GPHN: variants seen among roughly 807,000 people sequenced by gnomAD.
GPHN encodes the protein gephyrin.
Under a neutral mutation model 95.5 loss-of-function variants are expected in GPHN, and 17 were observed. The ratio of observed to expected loss-of-function variants is 0.18; its 90% confidence interval spans 0.12 to 0.27. The LOEUF is 0.27. GPHN is among the 10% of genes least tolerant of loss of function. The pLI, the probability that GPHN is intolerant of heterozygous loss-of-function variation, is 1.00. For synonymous variants in GPHN, 320 were observed against 322.5 expected (o/e 0.99, Z 0.08); for missense variants, 660 against 978.1 (o/e 0.67, Z 4.34).
At chr14:67,511,692 T>C in the GPHN span, among the ~76,000 whole-genome samples, 2 of 152,176 alleles carry the variant, frequency 1.3e-5, 1 homozygote, top group Non-Finnish European at 2.9e-5. Flanking sequence ...TTCAGAACCA[T>C]CCTTTGAAGG....
chr14:67,597,028 G>A, the GPHN span, among the ~76,000 whole-genome samples: 2 of 152,138 alleles, frequency 1.3e-5, no homozygotes, highest in Non-Finnish European at 2.9e-5. Flanking sequence ...GTTAGATCAG[G>A]GATCTGTAAA....
intron 2 of GPHN, among the ~76,000 whole-genome samples, chr14:66,732,476 A>G (rs2071863125): frequency 1.3e-5 from 2 of 152,222 alleles, no homozygotes; most frequent in Admixed American, 1.3e-4. Flanking sequence ...GAATCGGTGT[A>G]GTTACCAAAT....
the GPHN span, chr14:67,729,282 C>T: frequency 6.2e-7 from 1 of 1,605,386 alleles, no homozygotes; most frequent in Non-Finnish European, 8.5e-7. Context: ...TCTGGCGGCT[C>T]TTCTCCCCCT....
intron 4 of GPHN, among the ~76,000 whole-genome samples, chr14:66,834,733 C>G (rs1459573779): frequency 6.6e-6 from 1 of 151,690 alleles, no homozygotes; most frequent in African/African-American, 2.4e-5. Context: ...GGTTGTGTCT[C>G]TGCCCGGCTT....
chr14:67,735,260 T>G, the GPHN span: 1 of 1,169,384 alleles, frequency 8.6e-7, no homozygotes, highest in Non-Finnish European at 1.3e-6. Context: ...CCCTCAGCAC[T>G]ACTCCTTCAG....
the GPHN span, chr14:67,674,628 G>T: frequency 1.6e-6 from 1 of 611,190 alleles, no homozygotes; most frequent in Non-Finnish European, 2.6e-6. Flanking sequence ...CTCTTCCGGA[G>T]CCGCGGCAGG....
intron 1 of GPHN, among the ~76,000 whole-genome samples, chr14:66,583,070 T>C (rs375248736): frequency 0.34 from 51,481 of 150,934 alleles, 13,014 homozygotes; most frequent in African/African-American, 0.69. Context: ...TTTTAATGAT[T>C]GCCATTCTAA....
chr14:67,622,078 A>C, the GPHN span, among the ~76,000 whole-genome samples: 2 of 152,170 alleles, frequency 1.3e-5, no homozygotes, highest in Non-Finnish European at 2.9e-5. Context: ...TGACAGAATG[A>C]GACTCCATCT....
the GPHN span, among the ~76,000 whole-genome samples, chr14:67,597,014 T>C: frequency 6.6e-6 from 1 of 152,380 alleles, no homozygotes; most frequent in African/African-American, 2.4e-5. Flanking sequence ...AGTTAACCCA[T>C]AGTGTTAGAT....
chr14:66,764,055 C>T (rs1262065701), intron 2 of GPHN, among the ~76,000 whole-genome samples: 2 of 152,122 alleles, frequency 1.3e-5, no homozygotes, highest in Non-Finnish European at 2.9e-5. Flanking sequence ...ATTGTGATGA[C>T]ATGTATAATT....
At chr14:66,533,027 G>A (rs774585882) in intron 1 of GPHN, among the ~76,000 whole-genome samples, 5 of 152,206 alleles carry the variant, frequency 3.3e-5, no homozygotes, top group Non-Finnish European at 5.9e-5. Context: ...TCAAAGGGAT[G>A]CTGAGTGTGT....
chr14:66,945,089 T>C (rs955684240), intron 8 of GPHN, among the ~76,000 whole-genome samples: 6 of 152,176 alleles, frequency 3.9e-5, no homozygotes, highest in African/African-American at 1.2e-4. Context: ...GCCAAAAATG[T>C]TGTAGAAAAA....
the GPHN span, chr14:67,724,491 A>G: frequency 6.3e-7 from 1 of 1,599,512 alleles, no homozygotes; most frequent in Non-Finnish European, 8.5e-7. Context: ...TTGCTGGTGG[A>G]GTGTGTAGAA....
the GPHN span, among the ~76,000 whole-genome samples, chr14:67,299,793 T>G: frequency 1.3e-5 from 2 of 152,172 alleles, no homozygotes; most frequent in African/African-American, 4.8e-5. Flanking sequence ...AAAGTGGGAA[T>G]AGGGAGAAAA....
the GPHN span, among the ~76,000 whole-genome samples, chr14:67,210,999 C>CA: frequency 6.6e-6 from 1 of 151,926 alleles, no homozygotes; most frequent in Admixed American, 6.6e-5. Flanking sequence ...CACCCTGCCT[C>CA]AAAAAACAAA....
intron 1 of GPHN, among the ~76,000 whole-genome samples, chr14:66,575,217 AT>A (rs113654963): frequency 1.3e-5 from 2 of 151,720 alleles, no homozygotes; most frequent in East Asian, 1.9e-4. Flanking sequence ...TGGTTGACAG[AT>A]TTTTTTTCCC....
At chr14:67,294,689 T>C in the GPHN span, 1 of 152,112 alleles carries the variant, frequency 6.6e-6, no homozygotes, top group Non-Finnish European at 1.5e-5. Flanking sequence ...TTTTTTTTTT[T>C]TGAGATGGAG....
At chr14:66,516,127 C>T (rs1338046860) in intron 1 of GPHN, among the ~76,000 whole-genome samples, 2 of 151,728 alleles carry the variant, frequency 1.3e-5, no homozygotes, top group African/African-American at 2.4e-5. Flanking sequence ...CTGCCTCAGC[C>T]TCCCGAGTAG....
At chr14:66,709,383 A>G (rs775096888) in intron 2 of GPHN, 7 of 456,006 alleles carry the variant, frequency 1.5e-5, no homozygotes, top group South Asian at 1.1e-4. Context: ...CTGCCAGTGA[A>G]TGGCTGAAAC....
Sources: gnomAD v4.1 joint callset for allele counts (sites outside exome capture counted in the v4.1 genomes callset) on GRCh38, gnomAD v4.1.1 for gene constraint, MANE v1.5 for transcripts, NCBI Gene and HGNC (gene_info 2026-07-23, HGNC 2026-07-21) for gene names.